Variants in ADAM12 observed in about 807,000 individuals in gnomAD.
ADAM12 encodes ADAM metallopeptidase domain 12, also known as disintegrin and metalloproteinase domain-containing protein 12.
In ADAM12, 70 loss-of-function variants were observed where a neutral mutation model predicts 106.4. That is an observed-to-expected ratio of 0.66 (90% CI 0.54 to 0.80). The LOEUF (loss-of-function observed/expected upper bound fraction) is 0.80, where lower values mean the gene tolerates loss of function less well. Among genes scored for constraint, ADAM12 ranks in the 30% least tolerant of loss-of-function variants. ADAM12 has a pLI of 0.00. For synonymous variants in ADAM12, 420 were observed against 433.5 expected (o/e 0.97, Z 0.39); for missense variants, 1,010 against 1,171.9 (o/e 0.86, Z 2.02).
chr10:126,193,904 G>GAAATAAAATA (rs142749355), intron 3 of ADAM12, among the ~76,000 whole-genome samples: 8,529 of 145,144 alleles, frequency 0.059, 330 homozygotes, highest in Non-Finnish European at 0.081. Flanking sequence ...GAAATAAAAT[G>GAAATAAAATA]AAATAAAATA....
Position 126,066,912 on chromosome 10 carries a change from G to A in ADAM12, c.1324-106C>T. On this transcript the variant is annotated intron_variant, in intron 12 of 22. Coordinates refer to ENST00000448723, the MANE Select transcript of ADAM12 (RefSeq NM_001288973.2). This position sits in a 1 kb window ranked among gnomAD's most constrained non-coding sequence, Gnocchi z 5.1. The stretch of plus-strand genomic sequence containing the variant: ...CTGCAAAAAGCAAGAAAGACCAAGA[G>A]GGCCCAGCTCCTGAACTGCACACCT... The A allele has an allele frequency of 9.3e-7, 1 of 1,074,052 alleles. No homozygotes were observed. The highest frequency in any genetic ancestry group is 1.4e-6 in the Non-Finnish European group (1 of 718,194). The allele number at this position is 1,074,052 out of a possible 1,614,324, so 66.5% of individuals were successfully genotyped here.
chr10:126,067,243 T>C (rs1361759283), intron 12 of ADAM12, among the ~76,000 whole-genome samples: 3 of 152,228 alleles, frequency 2.0e-5, no homozygotes, highest in African/African-American at 7.2e-5. Context: ...CTTTTTTGAT[T>C]TAGAGAGTAC....
chr10:126,041,196 G>A, intron 18 of ADAM12: 2 of 334,602 alleles, frequency 6.0e-6, no homozygotes, highest in Non-Finnish European at 8.5e-6. Context: ...TGTCTCTCCA[G>A]GACCCAGGAG....
At chr10:126,276,542 T>C (rs746747767) in intron 3 of ADAM12, among the ~76,000 whole-genome samples, 24 of 152,334 alleles carry the variant, frequency 1.6e-4, no homozygotes, top group Non-Finnish European at 3.4e-4. Context: ...AAAAAATTGT[T>C]ATACTGAAGT....
At chr10:126,297,732 A>G (rs1412409202) in intron 2 of ADAM12, among the ~76,000 whole-genome samples, 1 of 152,238 alleles carries the variant, frequency 6.6e-6, no homozygotes, top group Non-Finnish European at 1.5e-5. Flanking sequence ...TGGTATTTGA[A>G]AGCAATGTAG....
chr10:126,067,137 T>C (rs1954887964), intron 12 of ADAM12: 2 of 292,212 alleles, frequency 6.8e-6, no homozygotes, highest in Non-Finnish European at 1.3e-5. Flanking sequence ...GCGGATCTCA[T>C]TGCAGTGGAC....
intron 3 of ADAM12, among the ~76,000 whole-genome samples, chr10:126,211,829 C>G (rs189718517): frequency 9.8e-5 from 15 of 152,346 alleles, no homozygotes; most frequent in Admixed American, 8.5e-4. Context: ...ATAATGAAAA[C>G]TATGCAGAGG....
At chr10:126,293,304 C>T (rs1251222733) in intron 2 of ADAM12, among the ~76,000 whole-genome samples, 1 of 152,142 alleles carries the variant, frequency 6.6e-6, no homozygotes, top group East Asian at 1.9e-4. Context: ...TAACTAGAGG[C>T]CACCAATTCT....
chr10:126,043,244 AAC>A lies in ADAM12; in HGVS notation c.1996-98_1996-97del. 1 of 1,115,196 alleles carries A rather than the reference AAC, an allele frequency of 9.0e-7. No homozygotes were observed. Among genetic ancestry groups the A allele is most frequent in the East Asian group, 2.6e-5 (1 of 39,118 alleles). 69.1% of individuals were successfully genotyped at this position (1,115,196 alleles called of 1,614,324 possible). ...GGGGCCATGGTCAGAGCCCCCCCCC[AAC>A]ACTGACACAGCCAGACTCAGCACAC... is the stretch of plus-strand genomic sequence containing the variant. On this transcript the variant is annotated intron_variant, in intron 17 of 22. Coordinates refer to ENST00000448723, the MANE Select transcript of ADAM12 (RefSeq NM_001288973.2). The surrounding 1 kb of genome is among the most constrained non-coding windows in gnomAD (Gnocchi z 4.1).
At chr10:126,034,987 C>G (rs1954033144) in intron 21 of ADAM12, among the ~76,000 whole-genome samples, 1 of 152,074 alleles carries the variant, frequency 6.6e-6, no homozygotes, top group Non-Finnish European at 1.5e-5. Context: ...AACAACAGAG[C>G]TTCAAAATAC....
intron 1 of ADAM12, among the ~76,000 whole-genome samples, chr10:126,334,220 C>T (rs1018311687): frequency 2.6e-5 from 4 of 152,146 alleles, no homozygotes. Context: ...ATGATGGATA[C>T]ATTCAAGCCT....
At chr10:126,109,883 C>T (rs753349771) in intron 6 of ADAM12, 43 bp from the exon 7 acceptor site, 1 of 1,554,864 alleles carries the variant, frequency 6.4e-7, no homozygotes, top group Non-Finnish European at 8.8e-7. Flanking sequence ...TAATGCCTCT[C>T]TGGCATTAAG....
intron 2 of ADAM12, among the ~76,000 whole-genome samples, chr10:126,316,666 C>T (rs1853884447): frequency 6.6e-6 from 1 of 151,274 alleles, no homozygotes; most frequent in South Asian, 2.1e-4. Context: ...AGACCAGCCT[C>T]AGCAACATGG....
chr10:126,157,404 G>A (rs757060552), intron 3 of ADAM12, among the ~76,000 whole-genome samples: 17 of 152,210 alleles, frequency 1.1e-4, no homozygotes, highest in Admixed American at 3.3e-4. Context: ...GAAAAGCAGC[G>A]GGAATATGCA....
At chr10:126,319,722 A>T (rs1854031550) in intron 2 of ADAM12, among the ~76,000 whole-genome samples, 1 of 152,224 alleles carries the variant, frequency 6.6e-6, no homozygotes, top group African/African-American at 2.4e-5. Context: ...TAATCCACTG[A>T]TAAGGGCTTG....
chr10:126,347,903 C>A (rs1220789264), intron 1 of ADAM12, among the ~76,000 whole-genome samples: 1 of 152,184 alleles, frequency 6.6e-6, no homozygotes, highest in Non-Finnish European at 1.5e-5. Context: ...GTGACGAATT[C>A]TCTGCTGCTG....
chr10:126,169,117 G>C (rs1229913187), intron 3 of ADAM12, among the ~76,000 whole-genome samples: 1 of 152,082 alleles, frequency 6.6e-6, no homozygotes, highest in Non-Finnish European at 1.5e-5. Flanking sequence ...CCCTCTACCT[G>C]CTCAATTCAT....
chr10:126,076,733 T>A (rs4962505), intron 11 of ADAM12, among the ~76,000 whole-genome samples: 17,829 of 152,266 alleles, frequency 0.12, 1,083 homozygotes, highest in Middle Eastern at 0.21. Flanking sequence ...TGATTTAAGT[T>A]CCTTGTAGAT....
rs1371459576 is a variant in ADAM12 at position 126,038,136 on chromosome 10, C to T, written c.2349+105G>A. 9 of 1,080,020 alleles carry T rather than the reference C, an allele frequency of 8.3e-6. No homozygotes were observed. The East Asian group carries it at 1.3e-4, about 15-fold the overall frequency. The allele number at this position is 1,080,020 out of a possible 1,614,324, so 66.9% of individuals were successfully genotyped here. A position where few individuals can be genotyped will look rare whatever the true frequency, so the allele number is the denominator to read the frequency against. On this transcript the variant is annotated intron_variant, in intron 20 of 22. Transcript: ENST00000448723. ...TGCTGACCTAGTGAGGCTGACTCAG[C>T]ATTTCACAGGCAGCGCCTCTAGGAT...
Sources: gnomAD v4.1 joint callset for allele counts (sites outside exome capture counted in the v4.1 genomes callset) on GRCh38, gnomAD v4.1.1 for gene constraint, Gnocchi (gnomAD v3.1) non-coding constraint, MANE v1.5 for transcripts, NCBI Gene and HGNC (gene_info 2026-07-23, HGNC 2026-07-21) for gene names.